Variants in MYO1D observed in about 807,000 individuals in gnomAD.
MYO1D encodes the protein unconventional myosin-Id.
In MYO1D, 83 loss-of-function variants were observed where a neutral mutation model predicts 122.0. The observed-to-expected ratio is 0.68, with a 90% CI of 0.57 to 0.82. MYO1D has a LOEUF of 0.82. Ranked by LOEUF, MYO1D falls within the 40% of genes least tolerant of loss-of-function variation. MYO1D has a pLI of 0.00. For synonymous variants in MYO1D, 464 were observed against 446.9 expected, an observed-to-expected ratio of 1.04 and a Z score of -0.48; for missense variants, 1,157 against 1,269.5, an observed-to-expected ratio of 0.91 and a Z score of 1.35.
At chr17:32,554,387 T>A (rs995316293) in intron 21 of MYO1D, among the ~76,000 whole-genome samples, 8 of 152,188 alleles carry the variant, frequency 5.3e-5, no homozygotes, top group African/African-American at 1.9e-4. Flanking sequence ...ACCAGTTCCT[T>A]CCCCTCTGGA....
At chr17:32,548,387 C>T (rs1043508292) in intron 21 of MYO1D, among the ~76,000 whole-genome samples, 2 of 151,178 alleles carry the variant, frequency 1.3e-5, no homozygotes, top group Non-Finnish European at 2.9e-5. Flanking sequence ...AAGATCGCGC[C>T]ACTGCACTCC....
chr17:32,643,937 T>A (rs1043209635), intron 19 of MYO1D, among the ~76,000 whole-genome samples: 2 of 151,974 alleles, frequency 1.3e-5, no homozygotes, highest in African/African-American at 4.8e-5. Context: ...CTGCTCTTAG[T>A]TATTTCTTGC....
intron 1 of MYO1D, among the ~76,000 whole-genome samples, chr17:32,835,674 T>C (rs1187048771): frequency 6.6e-6 from 1 of 152,164 alleles, no homozygotes; most frequent in African/African-American, 2.4e-5. Flanking sequence ...TCCTTCTGGG[T>C]CTTTCTTCTC....
intron 21 of MYO1D, among the ~76,000 whole-genome samples, chr17:32,558,348 A>G (rs539816503): frequency 1.3e-5 from 2 of 152,338 alleles, no homozygotes; most frequent in South Asian, 4.1e-4. Context: ...TTGCTCTCAG[A>G]AGAGAAGAGT....
chr17:32,723,368 T>C (rs1156656660), intron 14 of MYO1D, among the ~76,000 whole-genome samples: 1 of 152,198 alleles, frequency 6.6e-6, no homozygotes, highest in Non-Finnish European at 1.5e-5. Context: ...GTGTAAGAAC[T>C]GAATTGAATT....
At chr17:32,820,557 A>G (rs1348260747) in intron 1 of MYO1D, among the ~76,000 whole-genome samples, 1 of 152,214 alleles carries the variant, frequency 6.6e-6, no homozygotes, top group Non-Finnish European at 1.5e-5. Context: ...TTCACTTACA[A>G]TATGGAATCT....
chr17:32,494,483 A>C lies in MYO1D; in HGVS notation c.*276T>G. On this transcript the variant is annotated 3_prime_UTR_variant, in exon 22 of 22. Coordinates refer to ENST00000318217, the MANE Select transcript of MYO1D (RefSeq NM_015194.3). ...TCCGCACCAACTAAAGGCACCATCC[A>C]GTTGCCTCTGGGGTGAGATTGGTCT... 1 of 446,262 alleles carries C rather than the reference A, an allele frequency of 2.2e-6. No homozygotes were observed. The allele number at this position is 446,262 out of a possible 1,614,324, so 27.6% of individuals were successfully genotyped here.
At position 32,743,321 on chromosome 17, in the gene MYO1D, C is replaced by T. The variant is rs1466494072; in HGVS notation, c.1613+1890G>A. On this transcript the variant is annotated intron_variant, in intron 13 of 21. Coordinates refer to ENST00000318217, the MANE Select transcript of MYO1D (RefSeq NM_015194.3). ...CCACCTTTCCCCTGAGATTCAGATG[C>T]ATAGTTGCAATTGCTGATTTGGCAC... 2.6e-5 allele frequency among the ~76,000 whole-genome samples: 4 copies of T among 152,270 alleles called. No individual in the cohort carries two copies. In the East Asian group the frequency reaches 5.8e-4, roughly 22 times the overall value.
At chr17:32,800,917 T>C (rs1443394470) in intron 1 of MYO1D, among the ~76,000 whole-genome samples, 1 of 152,112 alleles carries the variant, frequency 6.6e-6, no homozygotes, top group East Asian at 1.9e-4. Context: ...AAAGAAACGA[T>C]AAATATTTCA....
chr17:32,759,944 G>T, intron 10 of MYO1D: 1 of 505,604 alleles, frequency 2.0e-6, no homozygotes, highest in South Asian at 4.0e-5. Flanking sequence ...GAAGAAACTA[G>T]ATTCTGAAGC....
At chr17:32,574,638 A>G (rs1290889559) in intron 21 of MYO1D, among the ~76,000 whole-genome samples, 17 of 152,230 alleles carry the variant, frequency 1.1e-4, no homozygotes, top group Non-Finnish European at 1.5e-5. Context: ...TTATTGCTGT[A>G]TCTTTGGCAC....
intron 16 of MYO1D, among the ~76,000 whole-genome samples, chr17:32,700,143 C>G (rs528620493): frequency 8.1e-4 from 123 of 152,328 alleles, no homozygotes; most frequent in African/African-American, 2.7e-3. Context: ...TACAGATCAG[C>G]AGTCTCCAAC....
intron 21 of MYO1D, among the ~76,000 whole-genome samples, chr17:32,554,952 G>A (rs149314827): frequency 1.2e-3 from 189 of 152,214 alleles, no homozygotes; most frequent in African/African-American, 4.5e-3. Context: ...GCATAACATG[G>A]TACAAGCTTT....
At chr17:32,557,400 T>A (rs954539709) in intron 21 of MYO1D, among the ~76,000 whole-genome samples, 1 of 152,152 alleles carries the variant, frequency 6.6e-6, no homozygotes, top group Admixed American at 6.5e-5. Flanking sequence ...TGAGCCACTG[T>A]GCCCGGCCTA....
At chr17:32,608,833 A>G (rs2087662863) in intron 20 of MYO1D, among the ~76,000 whole-genome samples, 1 of 152,238 alleles carries the variant, frequency 6.6e-6, no homozygotes, top group Non-Finnish European at 1.5e-5. Context: ...CAAACTAATG[A>G]TACAGATTAC....
chr17:32,693,673 T>G (rs543369529), intron 16 of MYO1D, among the ~76,000 whole-genome samples: 35 of 152,308 alleles, frequency 2.3e-4, no homozygotes, highest in African/African-American at 8.4e-4. Context: ...AGGCAACGGA[T>G]TTGCTGCTCT....
chr17:32,839,995 C>T (rs902337869), intron 1 of MYO1D, among the ~76,000 whole-genome samples: 1 of 152,180 alleles, frequency 6.6e-6, no homozygotes, highest in African/African-American at 2.4e-5. Context: ...AATATTTACA[C>T]AAAAGATCTT....
Position 32,605,098 on chromosome 17 carries a change from A to G in MYO1D, c.2853T>C (p.Asn951=), listed in dbSNP as rs140379900. 5 of 1,587,382 alleles carry G rather than the reference A, an allele frequency of 3.1e-6. No homozygotes were observed. In the African/African-American group the frequency reaches 5.4e-5, roughly 17 times the overall value. The change falls in exon 21 of 22, where the codon AAT becomes AAC. Residue 951 remains asparagine (N), a synonymous_variant. Coordinates refer to ENST00000318217, the MANE Select transcript of MYO1D (RefSeq NM_015194.3). ...RIGELVGVLV[N]HFKSEKRHLQ... Reference sequence around the variant, plus strand: ...AAATCAAACTTTACCTCTTGAAATGATTCACCAGCACTCCAACAAGTTCTC... The same window carrying G: ...AAATCAAACTTTACCTCTTGAAATGGTTCACCAGCACTCCAACAAGTTCTC...
intron 21 of MYO1D, among the ~76,000 whole-genome samples, chr17:32,589,942 C>T (rs111772293): frequency 5.9e-5 from 9 of 152,274 alleles, no homozygotes; most frequent in African/African-American, 1.2e-4. Context: ...TCAATTAACT[C>T]TTTTTGGCAT....
Sources: gnomAD v4.1 joint callset for allele counts (sites outside exome capture counted in the v4.1 genomes callset) on GRCh38, gnomAD v4.1.1 for gene constraint, MANE v1.5 for transcripts, NCBI Gene and HGNC (gene_info 2026-07-23, HGNC 2026-07-21) for gene names.